VEZT: variants seen among roughly 807,000 people sequenced by gnomAD.
VEZT encodes vezatin.
VEZT carries 39 observed loss-of-function variants against 79.9 expected under a neutral mutation model. The ratio of observed to expected loss-of-function variants is 0.49; its 90% CI spans 0.38 to 0.64. VEZT has a LOEUF of 0.64. Among genes scored for constraint, VEZT ranks in the 30% least tolerant of loss-of-function variants. VEZT has a pLI of 0.00. For synonymous variants in VEZT, 325 were observed against 327.6 expected, an observed-to-expected ratio of 0.99 and a Z score of 0.09; for missense variants, 837 against 893.1, an observed-to-expected ratio of 0.94 and a Z score of 0.80.
rs1472345229 is a variant in VEZT, at chr12:95,266,566, C to T, written c.644C>T (p.Thr215Ile). 6.2e-7 allele frequency: 1 copy of T among 1,613,724 alleles called. No individual in the cohort carries two copies. The highest frequency in any genetic ancestry group is 1.3e-5 in the African/African-American group (1 of 74,936). The change falls in exon 5 of 12, where the codon ACT becomes ATT. Residue 215 changes from threonine to isoleucine, a missense_variant. By Grantham distance (89) the Thr-to-Ile change is moderately conservative. Transcript: ENST00000436874. ...ATGGCCACAAACAGCCGAGCTTTTA[C>T]TAACCTCGTGAGAAAAGCTTTACGT... ...EDMATNSRAF[T>I]NLVRKALRLI...
chr12:95,265,071 G>A (rs946743637), intron 4 of VEZT, among the ~76,000 whole-genome samples: 1 of 151,844 alleles, frequency 6.6e-6, no homozygotes, highest in Admixed American at 6.6e-5. Context: ...GTGTTGCCCA[G>A]TCTGGTCTCG....
chr12:95,270,713 T>C (rs773164623), intron 6 of VEZT, among the ~76,000 whole-genome samples: 2 of 152,234 alleles, frequency 1.3e-5, no homozygotes, highest in East Asian at 1.9e-4. Context: ...ATCTTCCTTA[T>C]TGGATTTTTG....
At position 95,263,013 on chromosome 12, in the gene VEZT, A is replaced by G. The variant is rs761418963; in HGVS notation, c.366A>G (p.Ala122=). 4.0e-5 allele frequency: 64 copies of G among 1,613,188 alleles called. No individual in the cohort carries two copies. In the South Asian group the frequency reaches 6.7e-4, roughly 17 times the overall value. ...IELLDPSILS[A]GQSQQQENGH... is the part of the protein sequence containing the mutation. ...TACTTGATCCCAGTATCCTGTCTGCAGGGCAATCTCAACAACAGGAAAATG... is the reference window on the plus strand; with the variant it reads ...TACTTGATCCCAGTATCCTGTCTGCGGGGCAATCTCAACAACAGGAAAATG... The change falls in exon 4 of 12, where the codon GCA becomes GCG. Residue 122 remains alanine (A), a synonymous_variant. Transcript: ENST00000436874.
At chr12:95,289,096 AT>A (rs1270851567) in intron 9 of VEZT, among the ~76,000 whole-genome samples, 20 of 143,604 alleles carry the variant, frequency 1.4e-4, no homozygotes, top group Non-Finnish European at 2.8e-4. Flanking sequence ...AAAAAAATAA[AT>A]AAATAAATAA....
Position 95,266,435 on chromosome 12 carries a change from A to G in VEZT, c.513A>G (p.Val171=). The change falls in exon 5 of 12, where the codon GTA becomes GTG. Residue 171 remains valine, a synonymous_variant. Coordinates refer to ENST00000436874, the MANE Select transcript of VEZT (RefSeq NM_017599.4). ...PTWWIVSSWL[V]WGVILFVYLV... ...GGTGGATTGTGTCTTCCTGGCTGGT[A>G]TGGGGAGTGATTCTATTTGTGTATC... The G allele has an allele frequency of 6.2e-7, 1 of 1,613,658 alleles. No homozygotes were observed.
chr12:95,269,868 A>G, intron 5 of VEZT, 183 bp from the exon 6 acceptor site: 1 of 582,796 alleles, frequency 1.7e-6, no homozygotes, highest in South Asian at 2.2e-5. Flanking sequence ...ATATATATAT[A>G]TCTAGTCACA....
At chr12:95,283,270 T>G (rs1399987409) in intron 8 of VEZT, among the ~76,000 whole-genome samples, 2 of 152,230 alleles carry the variant, frequency 1.3e-5, no homozygotes, top group Admixed American at 6.5e-5. Flanking sequence ...CTGAAAATAC[T>G]ATTTTCACAT....
chr12:95,281,640 A>C (rs2069136884), intron 7 of VEZT, among the ~76,000 whole-genome samples: 1 of 151,498 alleles, frequency 6.6e-6, no homozygotes, highest in African/African-American at 2.4e-5. Context: ...CTGCCTCCCA[A>C]GTTCAAATGA....
At chr12:95,284,230 A>G (rs1316763592) in intron 8 of VEZT, among the ~76,000 whole-genome samples, 3 of 152,244 alleles carry the variant, frequency 2.0e-5, no homozygotes, top group Non-Finnish European at 1.5e-5. Context: ...GTCACAAACC[A>G]TCATATCCAA....
At chr12:95,281,686 C>G (rs966871019) in intron 7 of VEZT, among the ~76,000 whole-genome samples, 3 of 151,912 alleles carry the variant, frequency 2.0e-5, no homozygotes, top group Non-Finnish European at 2.9e-5. Flanking sequence ...GCTGAGACTA[C>G]AAGCACATAC....
intron 1 of VEZT, among the ~76,000 whole-genome samples, chr12:95,249,920 GATA>G (rs1471192980): frequency 2.0e-5 from 3 of 151,826 alleles, no homozygotes; most frequent in African/African-American, 7.3e-5. Context: ...TGATAATGAT[GATA>G]ATAATAACTT....
intron 7 of VEZT, among the ~76,000 whole-genome samples, chr12:95,282,009 T>A (rs1268928853): frequency 1.3e-5 from 2 of 152,050 alleles, no homozygotes; most frequent in South Asian, 2.1e-4. Context: ...AAATTTTTTT[T>A]AAATAATGAG....
chr12:95,263,211 A>G, intron 4 of VEZT, 130 bp downstream of exon 4: 1 of 881,470 alleles, frequency 1.1e-6, no homozygotes, highest in Non-Finnish European at 1.6e-6. Flanking sequence ...TAAAGTAACA[A>G]TATGGGGGGA....
intron 1 of VEZT, among the ~76,000 whole-genome samples, chr12:95,220,932 G>A (rs2057479427): frequency 6.6e-6 from 1 of 152,188 alleles, no homozygotes; most frequent in African/African-American, 2.4e-5. Flanking sequence ...CAAAGTGGTT[G>A]TACCAGTTTA....
chr12:95,224,626 A>G (rs941368494), intron 1 of VEZT, among the ~76,000 whole-genome samples: 2 of 152,160 alleles, frequency 1.3e-5, no homozygotes, highest in African/African-American at 4.8e-5. Context: ...CAGGCCACTG[A>G]CTGAGAAAGG....
chr12:95,256,504 A>C, intron 2 of VEZT: 10 of 1,045,442 alleles, frequency 9.6e-6, no homozygotes, highest in Non-Finnish European at 1.3e-5. Context: ...AGTTCTTGAA[A>C]ACAATAGTTA....
chr12:95,237,747 C>CT lies in VEZT; in HGVS notation c.37-14192dup, dbSNP rs1268735153. Among the ~76,000 whole-genome samples, 65 of 152,266 alleles carry CT rather than the reference C, an allele frequency of 4.3e-4. 1 individual carries two copies. Among genetic ancestry groups the CT allele is most frequent in the Non-Finnish European group, 2.4e-4 (16 of 68,034 alleles). On this transcript the variant is annotated intron_variant, in intron 1 of 11. Transcript: ENST00000436874. ...ATTGCCTCTTGATTATTTCTCTTCTCTGAGTTTATACCTTAAAATTTCTTG... is the reference window on the plus strand; with the variant it reads ...ATTGCCTCTTGATTATTTCTCTTCTCTTGAGTTTATACCTTAAAATTTCTTG...
At chr12:95,294,205 A>G in intron 9 of VEZT, 67 bp from the exon 10 acceptor site, 1 of 1,348,080 alleles carries the variant, frequency 7.4e-7, no homozygotes, top group Middle Eastern at 1.8e-4. Flanking sequence ...GTTTTTAATT[A>G]GATGTTCACT....
At position 95,267,422 on chromosome 12, in the gene VEZT, TATA is replaced by T. The variant is rs149779489; in HGVS notation, c.710+792_710+794del. ...TATATTTAATAATTTATATAACCTA[TATA>T]ACTTTTGCAATCTATAGGTGGGGGA... On this transcript the variant is annotated intron_variant, in intron 5 of 11. Coordinates refer to ENST00000436874, the MANE Select transcript of VEZT (RefSeq NM_017599.4). Among the ~76,000 whole-genome samples, 1,498 of 152,340 alleles carry T rather than the reference TATA, an allele frequency of 9.8e-3. 21 individuals carry two copies. Among genetic ancestry groups the T allele is most frequent in the African/African-American group, 0.034 (1,404 of 41,580 alleles).
Sources: gnomAD v4.1 joint callset for allele counts (sites outside exome capture counted in the v4.1 genomes callset) on GRCh38, gnomAD v4.1.1 for gene constraint, MANE v1.5 for transcripts, NCBI Gene and HGNC (gene_info 2026-07-23, HGNC 2026-07-21) for gene names.